The following SMIM41 variants were observed in gnomAD, a reference collection of about 807,000 sequenced individuals.
The protein encoded by SMIM41 is small integral membrane protein 41.
intron 2 of SMIM41, among the ~76,000 whole-genome samples, chr12:52,100,135 G>A (rs1386586322): frequency 6.6e-6 from 1 of 152,010 alleles, no homozygotes; most frequent in Non-Finnish European, 1.5e-5. Context: ...CATTTCCTAC[G>A]CTGTTGGGAG....
At chr12:52,080,710 C>CTT (rs1259971463) in intron 1 of SMIM41, among the ~76,000 whole-genome samples, 1 of 152,186 alleles carries the variant, frequency 6.6e-6, no homozygotes, top group Non-Finnish European at 1.5e-5. Context: ...TTCCTGAAGG[C>CTT]TTTTCCCTGG....
intron 2 of SMIM41, among the ~76,000 whole-genome samples, chr12:52,095,914 T>C (rs576463280): frequency 2.0e-5 from 3 of 152,060 alleles, no homozygotes; most frequent in East Asian, 3.9e-4. Context: ...CACGGGTTTG[T>C]ACACTTTCTG....
At chr12:52,095,203 C>T (rs566766091) in intron 2 of SMIM41, among the ~76,000 whole-genome samples, 7 of 152,100 alleles carry the variant, frequency 4.6e-5, no homozygotes, top group African/African-American at 1.4e-4. Flanking sequence ...GCTCCTTGGT[C>T]TCCCCACCGC....
intron 2 of SMIM41, chr12:52,087,533 C>T (rs2272484): frequency 0.24 from 36,969 of 152,478 alleles, 5,235 homozygotes; most frequent in East Asian, 0.46. Context: ...GCTCTCCTGG[C>T]CACATCTGCT....
intron 2 of SMIM41, among the ~76,000 whole-genome samples, chr12:52,093,876 A>C (rs1173398144): frequency 6.6e-6 from 1 of 152,106 alleles, no homozygotes; most frequent in African/African-American, 2.4e-5. Flanking sequence ...CACGCCTGTA[A>C]TCCCAGCACT....
intron 2 of SMIM41, among the ~76,000 whole-genome samples, chr12:52,090,871 G>A (rs546027570): frequency 6.6e-6 from 1 of 152,294 alleles, no homozygotes; most frequent in South Asian, 2.1e-4. Context: ...CCCACGCCTG[G>A]CTGCCATCCT....
chr12:52,082,241 C>T (rs1939829425), intron 1 of SMIM41, among the ~76,000 whole-genome samples: 1 of 152,194 alleles, frequency 6.6e-6, no homozygotes, highest in Admixed American at 6.5e-5. Flanking sequence ...TCCGTTTGGC[C>T]TTTGGGCTCA....
At chr12:52,103,640 T>C (rs1177110463) in intron 2 of SMIM41, among the ~76,000 whole-genome samples, 4 of 151,958 alleles carry the variant, frequency 2.6e-5, no homozygotes, top group African/African-American at 9.7e-5. Flanking sequence ...ACGCCTGTAA[T>C]CCCAGCTACT....
chr12:52,091,051 C>G (rs1370313964), intron 2 of SMIM41, among the ~76,000 whole-genome samples: 1 of 152,196 alleles, frequency 6.6e-6, no homozygotes, highest in Non-Finnish European at 1.5e-5. Context: ...ATCACTCTTT[C>G]ACCAGGCTGG....
At chr12:52,101,435 A>G (rs1437873473) in intron 2 of SMIM41, among the ~76,000 whole-genome samples, 12 of 152,170 alleles carry the variant, frequency 7.9e-5, no homozygotes, top group Non-Finnish European at 1.8e-4. Flanking sequence ...ACACCTACAC[A>G]CAAAAGGAAT....
intron 2 of SMIM41, among the ~76,000 whole-genome samples, chr12:52,088,515 C>G (rs1373515220): frequency 6.6e-6 from 1 of 152,224 alleles, no homozygotes; most frequent in African/African-American, 2.4e-5. Context: ...AGCCGTCTCC[C>G]TGGCAGGTTC....
intron 2 of SMIM41, chr12:52,084,655 CA>C (rs1339302350): frequency 1.3e-5 from 2 of 152,692 alleles, no homozygotes; most frequent in African/African-American, 4.8e-5. Flanking sequence ...AGGTGTGAAG[CA>C]GCGAGCTTCG....
At chr12:52,090,430 G>C (rs754045792) in intron 2 of SMIM41, among the ~76,000 whole-genome samples, 2 of 149,140 alleles carry the variant, frequency 1.3e-5, no homozygotes, top group Non-Finnish European at 3.0e-5. Flanking sequence ...GGGCAATAGA[G>C]AGAGTGGGGA....
Position 52,107,978 on chromosome 12 carries a change from C to A in SMIM41, c.*795C>A. On this transcript the variant is annotated 3_prime_UTR_variant, in exon 3 of 3. Transcript: ENST00000546390. ...TTGGTTTTCTTCCCATCTCGGGGAC[C>A]CTTTTCTCTTACTATAAAATTGTTT... 2 of 256,426 alleles carry A rather than the reference C, an allele frequency of 7.8e-6. No homozygotes were observed. The highest frequency in any genetic ancestry group is 4.4e-5 in the South Asian group (1 of 22,628). The allele number at this position is 256,426 out of a possible 1,614,324, so 15.9% of individuals were successfully genotyped here.
chr12:52,087,767 C>T (rs571168195), intron 2 of SMIM41: 1 of 152,244 alleles, frequency 6.6e-6, no homozygotes, highest in African/African-American at 2.4e-5. Context: ...TGAAGGGCAC[C>T]TTAGTGTCTG....
At chr12:52,087,430 T>C (rs1939909219) in intron 2 of SMIM41, among the ~76,000 whole-genome samples, 1 of 152,180 alleles carries the variant, frequency 6.6e-6, no homozygotes, top group Non-Finnish European at 1.5e-5. Flanking sequence ...TGTTTATGTC[T>C]CCATCCTCTT....
chr12:52,087,131 C>T (rs191311380), intron 2 of SMIM41, among the ~76,000 whole-genome samples: 2 of 152,190 alleles, frequency 1.3e-5, no homozygotes, highest in East Asian at 3.9e-4. Context: ...CTCAGGTGCC[C>T]TCTCCTCCTC....
Position 52,107,519 on chromosome 12 carries a change from C to T in SMIM41, c.*336C>T. 6 of 963,556 alleles carry T rather than the reference C, an allele frequency of 6.2e-6. No homozygotes were observed. The South Asian group carries it at 7.6e-5, about 12-fold the overall frequency. The allele number at this position is 963,556 out of a possible 1,614,324, so 59.7% of individuals were successfully genotyped here. On this transcript the variant is annotated 3_prime_UTR_variant, in exon 3 of 3. Transcript: ENST00000546390. ...TCCACACCTCCATGTACTTCTTCCTCTCCAACCTGTCCTTGCCTGACATCG... is the reference window on the plus strand; with the variant it reads ...TCCACACCTCCATGTACTTCTTCCTTTCCAACCTGTCCTTGCCTGACATCG...
intron 2 of SMIM41, among the ~76,000 whole-genome samples, chr12:52,103,755 T>A (rs12313921): frequency 0.087 from 12,803 of 146,946 alleles, 848 homozygotes; most frequent in African/African-American, 0.2. Context: ...CTGTCTCCAG[T>A]AAATAAATAA....
Sources: gnomAD v4.1 joint callset for allele counts (sites outside exome capture counted in the v4.1 genomes callset) on GRCh38, gnomAD v4.1.1 for gene constraint, MANE v1.5 for transcripts, NCBI Gene and HGNC (gene_info 2026-07-23, HGNC 2026-07-21) for gene names.